PCCA: variants seen among roughly 807,000 people sequenced by gnomAD.
PCCA encodes propionyl-CoA carboxylase alpha chain, mitochondrial.
A neutral mutation model predicts 101.3 loss-of-function variants in PCCA; 74 were observed. The ratio of observed to expected loss-of-function variants is 0.73; its 90% CI spans 0.61 to 0.89. The LOEUF is 0.89. Among genes scored for constraint, PCCA ranks in the 40% least tolerant of loss-of-function variants. The probability of loss-of-function intolerance (pLI) is 0.00; values close to 1 mark genes in which losing one functional copy is unlikely to be tolerated. For synonymous variants in PCCA, 294 were observed against 313.6 expected (o/e 0.94, Z 0.66); for missense variants, 891 against 907.0 (o/e 0.98, Z 0.23).
At chr13:100,403,917 C>T (rs939204877) in intron 19 of PCCA, among the ~76,000 whole-genome samples, 10 of 152,170 alleles carry the variant, frequency 6.6e-5, no homozygotes, top group Admixed American at 4.6e-4. Context: ...CCCCTCCCTC[C>T]CACCTGGCTG....
intron 4 of PCCA, among the ~76,000 whole-genome samples, chr13:100,121,804 T>G: frequency 6.6e-6 from 1 of 152,182 alleles, no homozygotes; most frequent in East Asian, 1.9e-4. Flanking sequence ...ATGTCATGTG[T>G]GAATAGAGAT....
At chr13:100,191,156 C>T (rs918056099) in intron 6 of PCCA, among the ~76,000 whole-genome samples, 13 of 152,184 alleles carry the variant, frequency 8.5e-5, no homozygotes, top group African/African-American at 2.4e-5. Context: ...TACTTCCAAG[C>T]ACCCTATTTG....
intron 11 of PCCA, among the ~76,000 whole-genome samples, chr13:100,271,203 T>C (rs2063291344): frequency 6.6e-6 from 1 of 152,194 alleles, no homozygotes; most frequent in Non-Finnish European, 1.5e-5. Flanking sequence ...TAATTGTTAG[T>C]TGGGGTTTTT....
chr13:100,503,395 C>A (rs1303454834), intron 21 of PCCA, among the ~76,000 whole-genome samples: 1 of 152,020 alleles, frequency 6.6e-6, no homozygotes, highest in Non-Finnish European at 1.5e-5. Flanking sequence ...GAGGCTGAGG[C>A]AGGAGAATCA....
chr13:100,324,268 A>G (rs1017312736), intron 16 of PCCA, among the ~76,000 whole-genome samples: 3 of 152,148 alleles, frequency 2.0e-5, no homozygotes, highest in African/African-American at 7.2e-5. Flanking sequence ...CATTCTTCAC[A>G]AAACCTTCCT....
chr13:100,312,445 T>C (rs2066996307), intron 16 of PCCA, among the ~76,000 whole-genome samples: 1 of 152,212 alleles, frequency 6.6e-6, no homozygotes, highest in Admixed American at 6.5e-5. Context: ...TAATGTCCTG[T>C]GTAGGTGAAA....
intron 22 of PCCA, among the ~76,000 whole-genome samples, chr13:100,526,873 A>T (rs1337406894): frequency 1.3e-5 from 2 of 152,258 alleles, no homozygotes; most frequent in African/African-American, 2.4e-5. Flanking sequence ...CAAGTTCTGA[A>T]CGCAGTCTGA....
chr13:100,372,634 G>GT (rs2152817310), intron 19 of PCCA, among the ~76,000 whole-genome samples: 1 of 151,998 alleles, frequency 6.6e-6, no homozygotes, highest in South Asian at 2.1e-4. Flanking sequence ...TTCTTACTCT[G>GT]TTTTTTTCCC....
At chr13:100,402,622 T>C (rs1334533585) in intron 19 of PCCA, among the ~76,000 whole-genome samples, 1 of 152,068 alleles carries the variant, frequency 6.6e-6, no homozygotes, top group Non-Finnish European at 1.5e-5. Flanking sequence ...GATTGTAATA[T>C]AAGGCTTACT....
chr13:100,451,917 C>T (rs1313038612), intron 21 of PCCA, among the ~76,000 whole-genome samples: 3 of 1,656 alleles, frequency 1.8e-3, no homozygotes, highest in Admixed American at 5.6e-3. Context: ...CTCTCCTCTC[C>T]CTCTCTCTCC....
At chr13:100,242,779 T>C (rs761955310) in intron 8 of PCCA, among the ~76,000 whole-genome samples, 7 of 152,232 alleles carry the variant, frequency 4.6e-5, no homozygotes, top group Non-Finnish European at 8.8e-5. Flanking sequence ...TTTATATTGA[T>C]GGATTGCTCT....
chr13:100,141,816 A>G (rs1437468456), intron 4 of PCCA, among the ~76,000 whole-genome samples: 6 of 152,206 alleles, frequency 3.9e-5, no homozygotes, highest in African/African-American at 1.2e-4. Context: ...CCTTGCTGTA[A>G]TAAAGTATAC....
chr13:100,144,624 A>G (rs940097817), intron 4 of PCCA, among the ~76,000 whole-genome samples: 1 of 152,230 alleles, frequency 6.6e-6, no homozygotes, highest in African/African-American at 2.4e-5. Flanking sequence ...AAAAATACAT[A>G]CACTATATAT....
chr13:100,367,463 T>G (rs2075263847), intron 18 of PCCA, among the ~76,000 whole-genome samples: 1 of 151,854 alleles, frequency 6.6e-6, no homozygotes, highest in Non-Finnish European at 1.5e-5. Context: ...GTTGAACTCA[T>G]AAGTCATTTA....
chr13:100,237,939 C>CTTTTT (rs1229413728), intron 8 of PCCA, among the ~76,000 whole-genome samples: 5 of 127,486 alleles, frequency 3.9e-5, no homozygotes, highest in African/African-American at 6.1e-5. Context: ...TTCTTTCTTT[C>CTTTTT]TTTTTTTTTT....
At chr13:100,486,481 G>T (rs2084381382) in intron 21 of PCCA, among the ~76,000 whole-genome samples, 1 of 152,170 alleles carries the variant, frequency 6.6e-6, no homozygotes, top group Non-Finnish European at 1.5e-5. Flanking sequence ...GTTCCATATG[G>T]CAGAATATTC....
intron 16 of PCCA, among the ~76,000 whole-genome samples, chr13:100,311,309 A>G (rs1359634326): frequency 6.6e-6 from 1 of 152,030 alleles, no homozygotes; most frequent in Non-Finnish European, 1.5e-5. Context: ...TGAATCTCAT[A>G]CTCCACATTT....
chr13:100,337,364 C>G (rs1433385893), intron 17 of PCCA, among the ~76,000 whole-genome samples: 2 of 152,170 alleles, frequency 1.3e-5, no homozygotes, highest in Non-Finnish European at 2.9e-5. Context: ...TCTACCACCC[C>G]CAGAGGGCAA....
intron 6 of PCCA, among the ~76,000 whole-genome samples, chr13:100,208,717 G>A (rs1417762666): frequency 6.6e-6 from 1 of 152,080 alleles, no homozygotes; most frequent in African/African-American, 2.4e-5. Context: ...GTGCAGAGTG[G>A]TTTTGATTGA....
Sources: gnomAD v4.1 joint callset for allele counts (sites outside exome capture counted in the v4.1 genomes callset) on GRCh38, gnomAD v4.1.1 for gene constraint, MANE v1.5 for transcripts, NCBI Gene and HGNC (gene_info 2026-07-23, HGNC 2026-07-21) for gene names.